Variants in CAMK2D observed in about 807,000 individuals in gnomAD.
The protein encoded by CAMK2D is calcium/calmodulin-dependent protein kinase type II subunit delta.
A neutral mutation model predicts 84.0 loss-of-function variants in CAMK2D; 37 were observed. That is an observed-to-expected ratio of 0.44 (90% CI 0.34 to 0.58). CAMK2D has a LOEUF of 0.58. CAMK2D is among the 20% of genes least tolerant of loss of function. CAMK2D has a pLI of 0.02. For synonymous variants in CAMK2D, 202 were observed against 212.5 expected, an observed-to-expected ratio of 0.95 and a Z score of 0.43; for missense variants, 448 against 652.5, an observed-to-expected ratio of 0.69 and a Z score of 3.41.
intron 2 of CAMK2D, chr4:113,755,173 T>TATACACACACACACAC (rs71582195): frequency 4.8e-4 from 78 of 163,516 alleles, no homozygotes; most frequent in African/African-American, 1.8e-3. Flanking sequence ...TACTTAGGGA[T>TATACACACACACACAC]ACACACACAC....
chr4:113,500,572 A>C, intron 15 of CAMK2D, 61 bp from the exon 16 acceptor site: 1 of 1,138,002 alleles, frequency 8.8e-7, no homozygotes, highest in South Asian at 1.3e-5. Context: ...TTCCTCCTTA[A>C]AAATTGGCTA....
intron 18 of CAMK2D, 121 bp from the exon 19 acceptor site, chr4:113,457,684 T>A: frequency 5.7e-6 from 4 of 706,272 alleles, no homozygotes; most frequent in Admixed American, 2.6e-5. Flanking sequence ...AATTAATTAG[T>A]TAATTAATCT....
intron 16 of CAMK2D, among the ~76,000 whole-genome samples, chr4:113,476,487 T>C (rs562141787): frequency 6.6e-6 from 1 of 152,158 alleles, no homozygotes; most frequent in African/African-American, 2.4e-5. Flanking sequence ...AAGCCAACTA[T>C]GGGAGAAATT....
At chr4:113,647,639 C>T (rs904353551) in intron 3 of CAMK2D, among the ~76,000 whole-genome samples, 10 of 152,228 alleles carry the variant, frequency 6.6e-5, no homozygotes, top group Non-Finnish European at 1.3e-4. Flanking sequence ...AATGTTTCTA[C>T]ACATTGTCAA....
chr4:113,709,040 G>A (rs1379076646), intron 2 of CAMK2D, among the ~76,000 whole-genome samples: 1 of 151,908 alleles, frequency 6.6e-6, no homozygotes, highest in East Asian at 1.9e-4. Context: ...AAGTTTGTTT[G>A]TTTGTTTTTT....
chr4:113,642,374 T>C (rs763986399), intron 3 of CAMK2D, among the ~76,000 whole-genome samples: 4 of 152,272 alleles, frequency 2.6e-5, no homozygotes, highest in Non-Finnish European at 5.9e-5. Context: ...AAGTGAAAAA[T>C]TGAGGGACAG....
At chr4:113,607,061 C>T (rs537260965) in intron 4 of CAMK2D, among the ~76,000 whole-genome samples, 6 of 151,806 alleles carry the variant, frequency 4.0e-5, no homozygotes, top group African/African-American at 1.2e-4. Context: ...AAGGGGAAAT[C>T]GAGACAAGCT....
At chr4:113,661,653 G>T in intron 3 of CAMK2D, 60 bp downstream of exon 3, 2 of 710,118 alleles carry the variant, frequency 2.8e-6, no homozygotes, top group Non-Finnish European at 4.6e-6. Flanking sequence ...CATTTTTATT[G>T]TGGTAAATAA....
chr4:113,467,197 C>T (rs2097485127), intron 16 of CAMK2D, among the ~76,000 whole-genome samples: 1 of 152,080 alleles, frequency 6.6e-6, no homozygotes, highest in Admixed American at 6.6e-5. Context: ...TGTTACTTCC[C>T]ATCTTATCTT....
intron 4 of CAMK2D, among the ~76,000 whole-genome samples, chr4:113,581,479 C>T (rs996256910): frequency 2.8e-5 from 4 of 142,454 alleles, no homozygotes; most frequent in African/African-American, 1.1e-4. Flanking sequence ...TCCCATTGCA[C>T]TCCAGCCTGG....
chr4:113,714,672 C>A (rs530007097), intron 2 of CAMK2D, among the ~76,000 whole-genome samples: 146 of 152,266 alleles, frequency 9.6e-4, no homozygotes, highest in African/African-American at 3.4e-3. Flanking sequence ...CCTTCTTAAA[C>A]TAACCCCTCT....
chr4:113,543,278 C>A (rs960034184), intron 6 of CAMK2D, among the ~76,000 whole-genome samples: 1 of 152,086 alleles, frequency 6.6e-6, no homozygotes, highest in Non-Finnish European at 1.5e-5. Context: ...TTACTGCAAC[C>A]TCACTTTGAC....
chr4:113,513,445 A>G lies in CAMK2D; in HGVS notation c.904-75T>C, dbSNP rs75736616. 3,613 of 925,832 alleles carry G rather than the reference A, an allele frequency of 3.9e-3. 94 individuals carry two copies. In the African/African-American group the frequency reaches 0.053, roughly 14 times the overall value. 57.4% of individuals were successfully genotyped at this position (925,832 alleles called of 1,614,324 possible). On this transcript the variant is annotated intron_variant, in intron 11 of 20. Coordinates refer to ENST00000511664, the MANE Select transcript of CAMK2D (RefSeq NM_001321571.2). ...GGACCTAACAAATATAGAGTCTTTG[A>G]TAACAAATCTTTTCCTGGCCCTACT...
chr4:113,719,275 G>A (rs1311027338), intron 2 of CAMK2D, among the ~76,000 whole-genome samples: 1 of 152,186 alleles, frequency 6.6e-6, no homozygotes, highest in African/African-American at 2.4e-5. Flanking sequence ...AATCAGGAGA[G>A]AGATGATAGC....
Position 113,547,797 on chromosome 4 carries a change from A to C in CAMK2D, c.342-81T>G, listed in dbSNP as rs143039978. ...TATACCCTCAGAGAGACTGGGTTAA[A>C]GTGCAGAGCTAGCAGACAACTGGGG... On this transcript the variant is annotated intron_variant, in intron 5 of 20. Coordinates refer to ENST00000511664, the MANE Select transcript of CAMK2D (RefSeq NM_001321571.2). The C allele has an allele frequency of 4.8e-6, 4 of 835,890 alleles. No homozygotes were observed. In the East Asian group the frequency reaches 1.1e-4, roughly 24 times the overall value. 51.8% of individuals were successfully genotyped at this position (835,890 alleles called of 1,614,324 possible).
At chr4:113,494,030 A>G (rs2097887711) in intron 16 of CAMK2D, among the ~76,000 whole-genome samples, 1 of 151,932 alleles carries the variant, frequency 6.6e-6, no homozygotes, top group Non-Finnish European at 1.5e-5. Flanking sequence ...TGGTTATTCT[A>G]GTTATACCTT....
chr4:113,548,585 C>A, intron 5 of CAMK2D: 2 of 720,416 alleles, frequency 2.8e-6, no homozygotes, highest in South Asian at 3.4e-5. Flanking sequence ...TTTAAATACC[C>A]ACCCTCTGCC....
chr4:113,455,259 C>A (rs1229170286), intron 20 of CAMK2D, among the ~76,000 whole-genome samples: 2 of 152,176 alleles, frequency 1.3e-5, no homozygotes, highest in Non-Finnish European at 2.9e-5. Context: ...TGTGGCCTGT[C>A]CTCATGGTCA....
intron 2 of CAMK2D, among the ~76,000 whole-genome samples, chr4:113,726,188 A>G (rs561253808): frequency 1.3e-5 from 2 of 152,248 alleles, no homozygotes; most frequent in South Asian, 4.1e-4. Flanking sequence ...TACTCCTCCA[A>G]AATTAAGTAT....
Sources: allele counts gnomAD v4.1 joint callset (sites outside exome capture counted in the v4.1 genomes callset), GRCh38; gene constraint gnomAD v4.1.1; transcripts MANE v1.5; gene names NCBI Gene and HGNC (gene_info 2026-07-23, HGNC 2026-07-21).